Variants in MYO1E observed in about 807,000 individuals in gnomAD.
The protein encoded by MYO1E is unconventional myosin-Ie.
A neutral mutation model predicts 151.1 loss-of-function variants in MYO1E; 68 were observed. That is an observed-to-expected ratio of 0.45 (90% confidence interval 0.37 to 0.55). The LOEUF (loss-of-function observed/expected upper bound fraction) is 0.55, where lower values mean the gene tolerates loss of function less well. Among genes scored for constraint, MYO1E ranks in the 20% least tolerant of loss-of-function variants. MYO1E has a pLI of 0.00. For synonymous variants in MYO1E, 601 were observed against 501.7 expected (o/e 1.20, Z -2.64); for missense variants, 1,363 against 1,389.3 (o/e 0.98, Z 0.30).
Position 59,206,966 on chromosome 15 carries a change from G to A in MYO1E, c.1531-1481C>T, listed in dbSNP as rs1217093264. 4.3e-6 allele frequency: 7 copies of A among 1,613,884 alleles called. No individual in the cohort carries two copies. Among genetic ancestry groups the A allele is most frequent in the Non-Finnish European group, 5.9e-6 (7 of 1,179,906 alleles). The stretch of plus-strand genomic sequence containing the variant: ...ATGAGTTGGACTGTGCCTGTTGTGC[G>A]GGCCAGCCAGAGAGTGAGCTCGGTG... On this transcript the variant is annotated intron_variant, in intron 14 of 27. Transcript: ENST00000288235.
chr15:59,214,563 T>G (rs2079901835), intron 11 of MYO1E, 77 bp downstream of exon 11: 9 of 1,322,600 alleles, frequency 6.8e-6, no homozygotes, highest in Non-Finnish European at 9.8e-6. Flanking sequence ...TGTTTTTGCA[T>G]TGCCTAGAAT....
chr15:59,246,565 C>G (rs1453116808), intron 4 of MYO1E, among the ~76,000 whole-genome samples: 6 of 152,192 alleles, frequency 3.9e-5, no homozygotes, highest in South Asian at 4.1e-4. Context: ...TCAGGTCAGG[C>G]CCTCACTGCT....
chr15:59,288,978 G>A (rs369606141), intron 1 of MYO1E, among the ~76,000 whole-genome samples: 9 of 152,208 alleles, frequency 5.9e-5, no homozygotes, highest in African/African-American at 1.9e-4. Context: ...GATAAGGAAG[G>A]GGCAGAATAC....
chr15:59,277,560 A>ACAAAC (rs1365243339), intron 1 of MYO1E, among the ~76,000 whole-genome samples: 1 of 126,712 alleles, frequency 7.9e-6, no homozygotes, highest in East Asian at 2.2e-4. Context: ...AAAAAAAAAA[A>ACAAAC]AAAAAAAAAA....
In MYO1E at chr15:59,357,426, C is replaced by CTTT. The variant is rs532794951; in HGVS notation, c.3+15069_3+15071dup. Among the ~76,000 whole-genome samples, 187 of 137,044 alleles carry CTTT rather than the reference C, an allele frequency of 1.4e-3. 4 individuals carry two copies. The highest frequency in any genetic ancestry group is 3.4e-3 in the African/African-American group (125 of 37,076). 89.9% of individuals were successfully genotyped at this position (137,044 alleles called of 152,430 possible). A position where few individuals can be genotyped will look rare whatever the true frequency, so the allele number is the denominator to read the frequency against. On this transcript the variant is annotated intron_variant, in intron 1 of 27. Transcript: ENST00000288235. Reference sequence around the variant, plus strand: ...CATGAGATTTTGAAGAAGGAGATAACTTTTTTTTTTTTTTTTTGAGACGAG... The same window carrying CTTT: ...CATGAGATTTTGAAGAAGGAGATAACTTTTTTTTTTTTTTTTTTTTGAGACGAG...
At chr15:59,214,987 G>T (rs1189442933) in intron 10 of MYO1E, among the ~76,000 whole-genome samples, 1 of 152,144 alleles carries the variant, frequency 6.6e-6, no homozygotes, top group African/African-American at 2.4e-5. Context: ...TTCTGTCCAA[G>T]TAAGCTTTTT....
intron 4 of MYO1E, among the ~76,000 whole-genome samples, chr15:59,251,419 G>A (rs1040324374): frequency 5.9e-5 from 9 of 152,178 alleles, no homozygotes; most frequent in African/African-American, 2.2e-4. Flanking sequence ...AATTGTGGTA[G>A]GATAAAAATA....
rs144330570 is a variant in MYO1E, at chr15:59,175,778, A to C, written c.2050-1538T>G. Among the ~76,000 whole-genome samples, 372 of 152,318 alleles carry C rather than the reference A, an allele frequency of 2.4e-3. 3 individuals carry two copies. Among genetic ancestry groups the C allele is most frequent in the African/African-American group, 6.2e-3 (259 of 41,570 alleles). On this transcript the variant is annotated intron_variant, in intron 19 of 27. Coordinates refer to ENST00000288235, the MANE Select transcript of MYO1E (RefSeq NM_004998.4). ...ATCACAGAAAATACACTTGTGACTC[A>C]GAGAAAGGATGAACAGGCAAACGAT...
intron 1 of MYO1E, among the ~76,000 whole-genome samples, chr15:59,301,315 T>C (rs1464307404): frequency 1.6e-4 from 24 of 152,210 alleles, no homozygotes; most frequent in African/African-American, 5.8e-4. Flanking sequence ...TAAAAATAGA[T>C]TAATTCTCCC....
intron 1 of MYO1E, among the ~76,000 whole-genome samples, chr15:59,358,141 G>T (rs115223541): frequency 0.024 from 3,640 of 152,222 alleles, 92 homozygotes; most frequent in African/African-American, 0.06. Context: ...GACAATGCTT[G>T]CCACATTGTC....
intron 25 of MYO1E, among the ~76,000 whole-genome samples, chr15:59,156,205 G>A (rs2079508857): frequency 1.3e-5 from 2 of 151,896 alleles, no homozygotes. Flanking sequence ...TTATTTTTGA[G>A]CCAGAGTGTT....
At chr15:59,325,815 G>C (rs1489954645) in intron 1 of MYO1E, among the ~76,000 whole-genome samples, 1 of 152,182 alleles carries the variant, frequency 6.6e-6, no homozygotes, top group Non-Finnish European at 1.5e-5. Flanking sequence ...GCCCACGCAA[G>C]TCCTTGAGCT....
chr15:59,251,369 A>G (rs1167296373), intron 4 of MYO1E, among the ~76,000 whole-genome samples: 1 of 152,246 alleles, frequency 6.6e-6, no homozygotes, highest in East Asian at 1.9e-4. Context: ...TGGTCTCTTC[A>G]AAAAGTCAGT....
chr15:59,318,377 C>T (rs929541641), intron 1 of MYO1E, among the ~76,000 whole-genome samples: 1 of 152,070 alleles, frequency 6.6e-6, no homozygotes, highest in Admixed American at 6.5e-5. Flanking sequence ...CCATGAAAGC[C>T]CCTGCTTTTC....
chr15:59,341,373 T>G (rs2080764768), intron 1 of MYO1E: 1 of 152,200 alleles, frequency 6.6e-6, no homozygotes, highest in South Asian at 2.1e-4. Context: ...CATGCTAATC[T>G]TCTCTGTGTC....
chr15:59,367,593 C>G (rs758416424), intron 1 of MYO1E, among the ~76,000 whole-genome samples: 1 of 152,288 alleles, frequency 6.6e-6, no homozygotes, highest in South Asian at 2.1e-4. Flanking sequence ...CTGAAAATAC[C>G]AGGCTATTCC....
rs1266354581 is a variant in MYO1E at position 59,132,693 on chromosome 15, T to C, written c.*4687A>G. Reference sequence around the variant, plus strand: ...GAACGTGGGTGCTTTGGGTTTGATTTTAAGTAGTGGTGATCTCTATACTTT... The same window carrying C: ...GAACGTGGGTGCTTTGGGTTTGATTCTAAGTAGTGGTGATCTCTATACTTT... On this transcript the variant is annotated 3_prime_UTR_variant, in exon 28 of 28. Transcript: ENST00000288235. The C allele has an allele frequency of 1.3e-5, 2 of 152,220 alleles. No homozygotes were observed. Among genetic ancestry groups the C allele is most frequent in the East Asian group, 3.8e-4 (2 of 5,200 alleles). 9.4% of individuals were successfully genotyped at this position (152,220 alleles called of 1,614,324 possible). A position where few individuals can be genotyped will look rare whatever the true frequency, so the allele number is the denominator to read the frequency against.
At chr15:59,294,114 G>A (rs548517013) in intron 1 of MYO1E, among the ~76,000 whole-genome samples, 9 of 152,192 alleles carry the variant, frequency 5.9e-5, no homozygotes, top group East Asian at 3.8e-4. Flanking sequence ...TGGAAAGAGC[G>A]TCTGGCTGGC....
At chr15:59,201,080 T>A (rs60665267) in intron 16 of MYO1E, among the ~76,000 whole-genome samples, 1 of 151,972 alleles carries the variant, frequency 6.6e-6, no homozygotes, top group Non-Finnish European at 1.5e-5. Context: ...TAGAGTTACA[T>A]GATTGTGTGT....
Sources: gnomAD v4.1 joint callset for allele counts (sites outside exome capture counted in the v4.1 genomes callset) on GRCh38, gnomAD v4.1.1 for gene constraint, MANE v1.5 for transcripts, NCBI Gene and HGNC (gene_info 2026-07-23, HGNC 2026-07-21) for gene names.